The following DMD variants were observed in gnomAD, a reference collection of about 807,000 sequenced individuals.
The protein encoded by DMD is mutant dystrophin.
DMD carries 63 observed loss-of-function variants against 330.1 expected under a neutral mutation model. The ratio of observed to expected loss-of-function variants is 0.19; its 90% CI spans 0.16 to 0.24. The LOEUF (loss-of-function observed/expected upper bound fraction) is 0.24. Among genes scored for constraint, DMD ranks in the 10% least tolerant of loss-of-function variants. The probability of loss-of-function intolerance (pLI) is 1.00; values close to 1 mark genes in which losing one functional copy is unlikely to be tolerated. For synonymous variants in DMD, 1,223 were observed against 959.8 expected (o/e 1.27, Z -5.07); for missense variants, 3,344 against 2,684.1 (o/e 1.25, Z -5.43).
chrX:32,890,645 A>G (rs1287039805), intron 2 of DMD, among the ~76,000 whole-genome samples: 1 of 111,367 alleles, frequency 9.0e-6, no homozygotes, highest in African/African-American at 3.3e-5. Context: ...CTTTGGTAAG[A>G]AGGCGAAACA....
rs751247709 is a variant in DMD, at chrX:31,577,544, G to A, written c.8217+50129C>T. ...TTGTGTGGCCTTTTAAAGAACCACA[G>A]CAGCTTGTCTGGACTTAGAATTGAA... On this transcript the variant is annotated intron_variant, in intron 55 of 78. Transcript: ENST00000357033. Among the ~76,000 whole-genome samples, 7 of 112,348 alleles carry A rather than the reference G, an allele frequency of 6.2e-5. No homozygotes were observed. The East Asian group carries it at 2.0e-3, about 31-fold the overall frequency.
At chrX:32,112,683 A>G (rs1006492348) in intron 44 of DMD, among the ~76,000 whole-genome samples, 4 of 112,220 alleles carry the variant, frequency 3.6e-5, no homozygotes, top group African/African-American at 1.3e-4. Flanking sequence ...ATATGTCTAC[A>G]CAGAGGATTG....
intron 21 of DMD, among the ~76,000 whole-genome samples, chrX:32,480,573 C>T (rs746193187): frequency 7.6e-5 from 8 of 105,916 alleles, no homozygotes; most frequent in East Asian, 2.9e-4. Flanking sequence ...TATTTGCCTA[C>T]GTGAGTATTT....
intron 55 of DMD, among the ~76,000 whole-genome samples, chrX:31,511,235 T>TATATAATAA (rs780455382): frequency 1.3e-3 from 131 of 102,671 alleles, no homozygotes; most frequent in Non-Finnish European, 2.1e-3. Context: ...ATATACATTA[T>TATATAATAA]ACATAATATA....
At chrX:32,303,770 T>C (rs2097531351) in intron 42 of DMD, among the ~76,000 whole-genome samples, 1 of 110,443 alleles carries the variant, frequency 9.1e-6, no homozygotes, top group African/African-American at 3.3e-5. Flanking sequence ...CAGTTCATTT[T>C]CACTCTCTGG....
At chrX:31,795,713 A>G (rs748800811) in intron 50 of DMD, among the ~76,000 whole-genome samples, 12 of 112,268 alleles carry the variant, frequency 1.1e-4, no homozygotes, top group African/African-American at 3.5e-4. Flanking sequence ...AAATATGCCA[A>G]CAATTAATCT....
intron 59 of DMD, among the ~76,000 whole-genome samples, chrX:31,476,397 GTATATATATATATA>G (rs373498710): frequency 1.1e-5 from 1 of 88,336 alleles, no homozygotes; most frequent in Admixed American, 1.3e-4. Flanking sequence ...GTGTGTGTGT[GTATATATATATATA>G]TATATATATA....
chrX:31,245,654 A>G (rs1007866253), intron 63 of DMD, among the ~76,000 whole-genome samples: 1 of 111,751 alleles, frequency 8.9e-6, no homozygotes, highest in Admixed American at 9.5e-5. Flanking sequence ...TCAATATTTC[A>G]AATTTGTCAT....
intron 62 of DMD, among the ~76,000 whole-genome samples, chrX:31,284,825 AACACACACACAC>A (rs61401043): frequency 0.17 from 15,451 of 91,263 alleles, 954 homozygotes; most frequent in African/African-American, 0.19. Context: ...TAATGGCTTA[AACACACACACAC>A]ACACACACAC....
intron 52 of DMD, among the ~76,000 whole-genome samples, chrX:31,721,460 C>T (rs1200610885): frequency 2.7e-5 from 3 of 109,289 alleles, no homozygotes; most frequent in Non-Finnish European, 5.7e-5. Flanking sequence ...ATTCTGCTAT[C>T]GGATTACCTT....
intron 43 of DMD, among the ~76,000 whole-genome samples, chrX:32,217,731 C>G (rs2097118289): frequency 9.0e-6 from 1 of 111,225 alleles, no homozygotes; most frequent in Admixed American, 9.7e-5. Context: ...AAACATTACA[C>G]TGAAACGTCA....
At chrX:33,259,339 C>A (rs2052911991) in intron 1 of DMD, among the ~76,000 whole-genome samples, 1 of 109,681 alleles carries the variant, frequency 9.1e-6, no homozygotes, top group African/African-American at 3.3e-5. Flanking sequence ...AGCCAAAGTC[C>A]ATAGATTACA....
chrX:31,162,725 A>G (rs1218414066), intron 74 of DMD, among the ~76,000 whole-genome samples: 1 of 111,912 alleles, frequency 8.9e-6, no homozygotes, highest in Non-Finnish European at 1.9e-5. Flanking sequence ...ACATTTTAAT[A>G]CAAGGCAGTT....
chrX:32,575,672 G>C (rs1242786875), intron 13 of DMD, among the ~76,000 whole-genome samples: 1 of 111,790 alleles, frequency 8.9e-6, no homozygotes, highest in Non-Finnish European at 1.9e-5. Context: ...GTAACAAAAT[G>C]GTTAATAGAT....
intron 1 of DMD, among the ~76,000 whole-genome samples, chrX:33,161,173 G>C (rs1244271822): frequency 8.9e-6 from 1 of 111,798 alleles, no homozygotes; most frequent in Non-Finnish European, 1.9e-5. Flanking sequence ...CTTTCTAAGG[G>C]AAACACAAGA....
intron 63 of DMD, among the ~76,000 whole-genome samples, chrX:31,252,257 T>C (rs2049449115): frequency 1.8e-5 from 2 of 112,254 alleles, no homozygotes; most frequent in South Asian, 7.4e-4. Context: ...CAAATTTGAG[T>C]AAATCTCCTG....
chrX:32,476,402 A>T (rs1326185547), intron 21 of DMD, among the ~76,000 whole-genome samples: 1 of 111,774 alleles, frequency 8.9e-6, no homozygotes, highest in Non-Finnish European at 1.9e-5. Context: ...CATTTCAAAA[A>T]ATCTAATCTC....
At chrX:32,011,277 C>A (rs944570495) in intron 44 of DMD, among the ~76,000 whole-genome samples, 1 of 112,115 alleles carries the variant, frequency 8.9e-6, no homozygotes, top group Non-Finnish European at 1.9e-5. Flanking sequence ...CAGGGCCACC[C>A]AGAATGGCTC....
In DMD at chrX:32,359,834, T is replaced by A. The variant is rs12842457; in HGVS notation, c.5325+2954A>T. On this transcript the variant is annotated intron_variant, in intron 37 of 78. Coordinates refer to ENST00000357033, the MANE Select transcript of DMD (RefSeq NM_004006.3). ...AGATATTTCCCCCATCTAGTAACTC[T>A]ATTATTTTCCAATTTATTAATTTAA... Among the ~76,000 whole-genome samples the A allele has an allele frequency of 9.6e-3, 1,065 of 110,954 alleles. 5 individuals carry two copies. Among genetic ancestry groups the A allele is most frequent in the Non-Finnish European group, 0.016 (835 of 52,892 alleles).
Sources: gnomAD v4.1 joint callset for allele counts (sites outside exome capture counted in the v4.1 genomes callset) on GRCh38, gnomAD v4.1.1 for gene constraint, MANE v1.5 for transcripts, NCBI Gene and HGNC (gene_info 2026-07-23, HGNC 2026-07-21) for gene names.